Variants in ZNF536 observed in about 807,000 individuals in gnomAD.
ZNF536 encodes zinc finger protein 536.
A neutral mutation model predicts 84.5 loss-of-function variants in ZNF536; 13 were observed. That is an observed-to-expected ratio of 0.15 (90% CI 0.10 to 0.24). The LOEUF is 0.24. ZNF536 is among the 10% of genes least tolerant of loss of function. The pLI is 1.00. For missense variants in ZNF536, 1,536 were observed against 1,747.5 expected (o/e 0.88, Z 2.16); for synonymous variants, 811 against 742.5 (o/e 1.09, Z -1.50).
At chr19:30,498,348 A>G (rs2054806287) in intron 2 of ZNF536, among the ~76,000 whole-genome samples, 2 of 152,198 alleles carry the variant, frequency 1.3e-5, no homozygotes, top group Admixed American at 1.3e-4. Flanking sequence ...ACAGAAAACC[A>G]AACACCGCAT....
chr19:30,551,961 T>A (rs527945955), intron 4 of ZNF536, among the ~76,000 whole-genome samples: 1 of 152,230 alleles, frequency 6.6e-6, no homozygotes, highest in Admixed American at 6.5e-5. Context: ...TACTGTGATA[T>A]CCCAGAAGGT....
chr19:30,567,690 G>A (rs1268243219), intron 1 of ZNF536, among the ~76,000 whole-genome samples: 1 of 152,122 alleles, frequency 6.6e-6, no homozygotes, highest in Non-Finnish European at 1.5e-5. Flanking sequence ...CGACAGCAGC[G>A]GAGGTCAGAC....
chr19:30,500,075 CT>C (rs1555783914), intron 2 of ZNF536, among the ~76,000 whole-genome samples: 1 of 152,192 alleles, frequency 6.6e-6, no homozygotes, highest in Non-Finnish European at 1.5e-5. Flanking sequence ...GTAATTTTTT[CT>C]AAATAATTTC....
intron 1 of ZNF536, among the ~76,000 whole-genome samples, chr19:30,399,847 C>G (rs1224579742): frequency 6.6e-6 from 1 of 151,970 alleles, no homozygotes; most frequent in Non-Finnish European, 1.5e-5. Flanking sequence ...ACCACCATGC[C>G]CAGCTCAATT....
At chr19:30,382,326 A>G (rs546499744) in intron 1 of ZNF536, among the ~76,000 whole-genome samples, 1 of 152,342 alleles carries the variant, frequency 6.6e-6, no homozygotes, top group South Asian at 2.1e-4. Flanking sequence ...GGTTTGATGA[A>G]GTTTCGGCAA....
chr19:30,508,283 A>C (rs1277355511), intron 2 of ZNF536, among the ~76,000 whole-genome samples: 2 of 152,184 alleles, frequency 1.3e-5, no homozygotes, highest in African/African-American at 4.8e-5. Flanking sequence ...GCATGGGGAC[A>C]CCCTTGGGCT....
chr19:30,552,686 C>T (rs1326153019), intron 4 of ZNF536, among the ~76,000 whole-genome samples: 1 of 152,198 alleles, frequency 6.6e-6, no homozygotes, highest in African/African-American at 2.4e-5. Context: ...AGGGTCCTGG[C>T]CAGTGTGCCC....
At chr19:30,237,730 T>TA in intron 1 of ZNF536, among the ~76,000 whole-genome samples, 1 of 152,276 alleles carries the variant, frequency 6.6e-6, no homozygotes, top group African/African-American at 2.4e-5. Flanking sequence ...TTGCAAGAGT[T>TA]ACACAGTCCA....
chr19:30,333,357 C>G (rs1167373873), intron 2 of ZNF536, among the ~76,000 whole-genome samples: 1 of 152,152 alleles, frequency 6.6e-6, no homozygotes, highest in Non-Finnish European at 1.5e-5. Context: ...TGATTCTGTC[C>G]TCTCTGTCCC....
intron 1 of ZNF536, among the ~76,000 whole-genome samples, chr19:30,581,710 G>A (rs750962154): frequency 5.9e-5 from 9 of 151,432 alleles, no homozygotes; most frequent in Non-Finnish European, 1.0e-4. Flanking sequence ...GGCCGAGGTG[G>A]GCGGATCACG....
At chr19:30,656,505 C>T (rs1440828664) in intron 1 of ZNF536, among the ~76,000 whole-genome samples, 4 of 152,196 alleles carry the variant, frequency 2.6e-5, no homozygotes, top group Non-Finnish European at 4.4e-5. Context: ...CCCTGTGCAA[C>T]GATGCTCATG....
chr19:30,498,767 G>A (rs1355605603), intron 2 of ZNF536, among the ~76,000 whole-genome samples: 1 of 152,090 alleles, frequency 6.6e-6, no homozygotes, highest in African/African-American at 2.4e-5. Flanking sequence ...AGGTGACTGC[G>A]TGGGGACCCA....
At chr19:30,706,833 G>T (rs1411899306) in intron 1 of ZNF536, among the ~76,000 whole-genome samples, 1 of 152,168 alleles carries the variant, frequency 6.6e-6, no homozygotes, top group Non-Finnish European at 1.5e-5. Flanking sequence ...GCCAGCCTTT[G>T]TCCATGAACT....
chr19:30,376,198 C>T (rs1600453851), intron 1 of ZNF536, among the ~76,000 whole-genome samples: 1 of 152,232 alleles, frequency 6.6e-6, no homozygotes. Flanking sequence ...ATTTCCAGTG[C>T]CCAGTCTCCC....
chr19:30,437,172 C>A (rs1407737864), intron 1 of ZNF536, among the ~76,000 whole-genome samples: 1 of 151,222 alleles, frequency 6.6e-6, no homozygotes, highest in Non-Finnish European at 1.5e-5. Context: ...TTTTTCTGTG[C>A]TAGCAAAATG....
At chr19:30,256,154 G>A (rs764312695) in intron 1 of ZNF536, among the ~76,000 whole-genome samples, 1 of 152,154 alleles carries the variant, frequency 6.6e-6, no homozygotes, top group African/African-American at 2.4e-5. Flanking sequence ...GCAGCTCACA[G>A]AATTTAAGGC....
Position 30,445,669 on chromosome 19 carries a change from G to T in ZNF536, c.2107G>T (p.Gly703Cys). 6.2e-7 allele frequency: 1 copy of T among 1,607,652 alleles called. No homozygotes were observed. Among genetic ancestry groups the T allele is most frequent in the South Asian group, 1.1e-5 (1 of 90,196 alleles). ...CACCGAGGAGAGCGGGGTCGGAGGC[G>T]GCCTCTCCCAGACCGGGAGTGCCCA... ...NVTEESGVGG[G>C]LSQTGSAQED... The change falls in exon 2 of 5, where the codon GGC becomes TGC. Residue 703 changes from glycine (G) to cysteine (C), a missense_variant. Gly to Cys is a radical substitution (Grantham distance 159). Around this residue, in one of 8 missense-constraint regions of ZNF536, gnomAD observed 148 missense variants for 205.4 expected, o/e 0.72. Transcript: ENST00000355537. The surrounding 1 kb of genome is among the most constrained non-coding windows in gnomAD (Gnocchi z 4.5).
intron 1 of ZNF536, among the ~76,000 whole-genome samples, chr19:30,572,313 A>G (rs183608281): frequency 6.6e-6 from 1 of 152,130 alleles, no homozygotes; most frequent in Admixed American, 6.5e-5. Context: ...TGTTCATCAC[A>G]CTAAGGTCCC....
At chr19:30,656,787 T>A (rs2049931531) in intron 1 of ZNF536, among the ~76,000 whole-genome samples, 1 of 152,144 alleles carries the variant, frequency 6.6e-6, no homozygotes, top group Non-Finnish European at 1.5e-5. Context: ...TGTCATTAGG[T>A]GCCCCTGGAC....
Sources: gnomAD v4.1 joint callset for allele counts (sites outside exome capture counted in the v4.1 genomes callset) on GRCh38, gnomAD v4.1.1 for gene constraint, gnomAD v4.1.1 regional missense constraint, Gnocchi (gnomAD v3.1) non-coding constraint, MANE v1.5 for transcripts, NCBI Gene and HGNC (gene_info 2026-07-23, HGNC 2026-07-21) for gene names.